Variants in TAF1C observed in about 807,000 individuals in gnomAD.
TAF1C encodes the protein TATA box-binding protein-associated factor RNA polymerase I subunit C.
A neutral mutation model predicts 70.5 loss-of-function variants in TAF1C; 79 were observed. The ratio of observed to expected loss-of-function variants is 1.12; its 90% CI spans 0.93 to 1.35. The LOEUF (loss-of-function observed/expected upper bound fraction) is 1.35, where lower values mean the gene tolerates loss of function less well. Ranked by LOEUF, TAF1C falls within the 40% of genes most tolerant of loss-of-function variation. The pLI, the probability that TAF1C is intolerant of heterozygous loss-of-function variation, is 0.00. For synonymous variants in TAF1C, 614 were observed against 491.1 expected (o/e 1.25, Z -3.31); for missense variants, 1,412 against 1,127.8 (o/e 1.25, Z -3.61).
At position 84,182,154 on chromosome 16, in the gene TAF1C, T is replaced by C; in HGVS notation, c.721+48A>G. The C allele has an allele frequency of 1.3e-6, 2 of 1,592,222 alleles. No individual in the cohort carries two copies. Among genetic ancestry groups the C allele is most frequent in the Non-Finnish European group, 1.7e-6 (2 of 1,167,548 alleles). On this transcript the variant is annotated intron_variant, in intron 7 of 14. Transcript: ENST00000566732. This position sits in a 1 kb window ranked among gnomAD's most constrained non-coding sequence, Gnocchi z 5.0. ...TGGACCATGCCAAGAGCACCTCCTC[T>C]ACCAGAGGCGAGCCCGCTGGAATCT... is the stretch of plus-strand genomic sequence containing the variant.
chr16:84,183,261 T>C lies in TAF1C; in HGVS notation c.391A>G (p.Lys131Glu). Reference protein sequence around the residue: ...PLGKLMLENFKLEGAGSRTKK... With the variant: ...PLGKLMLENFELEGAGSRTKK... ...CCACTCACCCCCGCTCCCTCCAGCTTGAAATTCTCCAGCATCAGCTTCCCC... is the reference window on the plus strand; with the variant it reads ...CCACTCACCCCCGCTCCCTCCAGCTCGAAATTCTCCAGCATCAGCTTCCCC... The change falls in exon 5 of 15, where the codon AAG (lysine) becomes GAG (glutamate). Residue 131 changes from lysine (K) to glutamate (E), a missense_variant. Coordinates refer to ENST00000566732, the MANE Select transcript of TAF1C (RefSeq NM_001243156.2). The C allele has an allele frequency of 6.2e-7, 1 of 1,613,944 alleles. No homozygotes were observed. Among genetic ancestry groups the C allele is most frequent in the South Asian group, 1.1e-5 (1 of 91,076 alleles).
intron 1 of TAF1C, 73 bp from the exon 2 acceptor site, chr16:84,185,133 G>A: frequency 2.0e-6 from 2 of 999,538 alleles, no homozygotes; most frequent in African/African-American, 1.6e-5. Flanking sequence ...CAAATATGTA[G>A]CCCAAGGCCA....
chr16:84,180,771 G>T, intron 12 of TAF1C: 1 of 1,324,244 alleles, frequency 7.6e-7, no homozygotes, highest in Non-Finnish European at 9.7e-7. Context: ...AGCTCTGCAC[G>T]GAAGCCCCAC....
At position 84,182,459 on chromosome 16, in the gene TAF1C, C is replaced by T. The variant is rs1244956743; in HGVS notation, c.483-19G>A. 12 of 1,588,726 alleles carry T rather than the reference C, an allele frequency of 7.6e-6. No individual in the cohort carries two copies. The East Asian group carries it at 1.6e-4, about 21-fold the overall frequency. ...GGGACACCTGGGGACCAGAGAACAG[C>T]AGGAGGATCACTCGGTGGCACTCAG... On this transcript the variant is annotated intron_variant, in intron 6 of 14. Coordinates refer to ENST00000566732, the MANE Select transcript of TAF1C (RefSeq NM_001243156.2). This position sits in a 1 kb window ranked among gnomAD's most constrained non-coding sequence, Gnocchi z 5.0.
rs1446336398 is a variant in TAF1C at position 84,184,833 on chromosome 16, C to T, written c.138+18G>A. On this transcript the variant is annotated intron_variant, in intron 2 of 14. Transcript: ENST00000566732. ...GGATGTCCCTGGAGCTGCCAGGGCC[C>T]CCTGCCTGCATCCTCACCTCTGAGT... 5.7e-6 allele frequency: 9 copies of T among 1,587,596 alleles called. No homozygotes were observed. Among genetic ancestry groups the T allele is most frequent in the African/African-American group, 4.0e-5 (3 of 74,336 alleles).
chr16:84,180,448 G>A, intron 12 of TAF1C, 104 bp from the exon 13 acceptor site: 1 of 1,208,422 alleles, frequency 8.3e-7, no homozygotes, highest in Non-Finnish European at 1.1e-6. Context: ...AGAGCCCTGA[G>A]GGGCAGCAGC....
rs778877902 is a variant in TAF1C at position 84,181,373 on chromosome 16, C to T, written c.1119G>A (p.Val373=). The T allele has an allele frequency of 6.2e-7, 1 of 1,612,786 alleles. No homozygotes were observed. Among genetic ancestry groups the T allele is most frequent in the Non-Finnish European group, 8.5e-7 (1 of 1,179,644 alleles). The change falls in exon 11 of 15, where the codon GTG becomes GTA. Residue 373 remains valine, a synonymous_variant. Transcript: ENST00000566732. Reference sequence around the variant, plus strand: ...CTCCGGTGCGGTCACCCACGGTCAGCACCCGAGGGTGCGCAGTGAAGTCTG... The same window carrying T: ...CTCCGGTGCGGTCACCCACGGTCAGTACCCGAGGGTGCGCAGTGAAGTCTG... ...RWADFTAHPR[V]LTVGDRTGVK...
chr16:84,180,164 C>G lies in TAF1C; in HGVS notation c.1483+6G>C. Reference sequence around the variant, plus strand: ...ACACGCCGCCCACCCTGGCCTGGACCCTCACCTGCCAGGTGCAGCAGCTGC... The same window carrying G: ...ACACGCCGCCCACCCTGGCCTGGACGCTCACCTGCCAGGTGCAGCAGCTGC... On this transcript the variant is annotated splice_donor_region_variant and intron_variant, in intron 13 of 14. Coordinates refer to ENST00000566732, the MANE Select transcript of TAF1C (RefSeq NM_001243156.2). 6.4e-7 allele frequency: 1 copy of G among 1,556,852 alleles called. No homozygotes were observed. The highest frequency in any genetic ancestry group is 8.6e-7 in the Non-Finnish European group (1 of 1,159,048).
intron 12 of TAF1C, chr16:84,180,793 T>C: frequency 8.1e-7 from 1 of 1,232,478 alleles, no homozygotes; most frequent in Non-Finnish European, 1.0e-6. Context: ...CCGAGGCCCC[T>C]CCTCCCCTGC....
Position 84,180,048 on chromosome 16 carries a change from G to A in TAF1C, c.1519C>T (p.Pro507Ser), listed in dbSNP as rs903666574. ...TCGATCCTGGAAGGAAGAGACTGGGGGGGGCCTGCCAGGCGGGGCACCGAC... is the reference window on the plus strand; with the variant it reads ...TCGATCCTGGAAGGAAGAGACTGGGAGGGGCCTGCCAGGCGGGGCACCGAC... ...GASVPRLAGP[P>S]QSLPSRIDSL... The change falls in exon 14 of 15, where the codon CCC (proline) becomes TCC (serine). Residue 507 changes from proline (P) to serine (S), a missense_variant. Transcript: ENST00000566732. The A allele has an allele frequency of 6.2e-7, 1 of 1,607,168 alleles. No homozygotes were observed. Among genetic ancestry groups the A allele is most frequent in the East Asian group, 2.2e-5 (1 of 44,888 alleles).
rs528580726 is a variant in TAF1C, at chr16:84,180,518, G to C, written c.1309-174C>G. ...CACCTGCCAGCCCTGAACAGGTGCC[G>C]CTTCCTTCACCAATTCTGACCGACA... On this transcript the variant is annotated intron_variant, in intron 12 of 14. Transcript: ENST00000566732. 3.0e-4 allele frequency: 207 copies of C among 687,096 alleles called. 2 individuals are homozygous for C. In the Middle Eastern group the frequency reaches 3.8e-3, roughly 13 times the overall value. The allele number at this position is 687,096 out of a possible 1,614,324, so 42.6% of individuals were successfully genotyped here. A position where few individuals can be genotyped will look rare whatever the true frequency, so the allele number is the denominator to read the frequency against.
intron 2 of TAF1C, among the ~76,000 whole-genome samples, chr16:84,184,355 G>A (rs2089369314): frequency 6.6e-6 from 1 of 152,168 alleles, no homozygotes; most frequent in African/African-American, 2.4e-5. Context: ...GCCTCTGCCA[G>A]GCTTCATTCC....
At position 84,180,349 on chromosome 16, in the gene TAF1C, G is replaced by T. The variant is rs1415986633; in HGVS notation, c.1309-5C>A. 1.3e-6 allele frequency: 2 copies of T among 1,537,602 alleles called. No homozygotes were observed. Among genetic ancestry groups the T allele is most frequent in the East Asian group, 4.9e-5 (2 of 40,844 alleles). ...GTCCACTAGGTAGAGAGAGAACTGG[G>T]GCCCGAGAAGGAAGGGGGATGTGGC... On this transcript the variant is annotated splice_region_variant and splice_polypyrimidine_tract_variant and intron_variant, in intron 12 of 14. Coordinates refer to ENST00000566732, the MANE Select transcript of TAF1C (RefSeq NM_001243156.2).
rs1198852478 is a variant in TAF1C, at chr16:84,185,076, T to C, written c.-72-16A>G. 3 of 1,474,716 alleles carry C rather than the reference T, an allele frequency of 2.0e-6. No homozygotes were observed. The highest frequency in any genetic ancestry group is 2.7e-6 in the Non-Finnish European group (3 of 1,095,598). 91.4% of individuals were successfully genotyped at this position (1,474,716 alleles called of 1,614,324 possible). Reference sequence around the variant, plus strand: ...GCCAGAGTTCCTGAGGAGTGAAAAGTGCACTACGGGAAGCATATGTTCTTT... The same window carrying C: ...GCCAGAGTTCCTGAGGAGTGAAAAGCGCACTACGGGAAGCATATGTTCTTT... On this transcript the variant is annotated splice_polypyrimidine_tract_variant and intron_variant, in intron 1 of 14. Coordinates refer to ENST00000566732, the MANE Select transcript of TAF1C (RefSeq NM_001243156.2).
Position 84,179,467 on chromosome 16 carries a change from C to A in TAF1C, c.2006G>T (p.Arg669Ile). The A allele has an allele frequency of 6.3e-7, 1 of 1,597,872 alleles. No individual in the cohort carries two copies. The highest frequency in any genetic ancestry group is 8.5e-7 in the Non-Finnish European group (1 of 1,176,348). ...TGCCGCAGGGAGGGAGCCCAGGTCTCTCTGCAGCAGGAGCTGCCCTCGGGC... is the reference window on the plus strand; with the variant it reads ...TGCCGCAGGGAGGGAGCCCAGGTCTATCTGCAGCAGGAGCTGCCCTCGGGC... ...AMARGQLLLQRDLGSLPAAEP... is the reference protein window; with the variant it reads ...AMARGQLLLQIDLGSLPAAEP... The change falls in exon 15 of 15, where the codon AGA becomes ATA. Residue 669 changes from arginine (R) to isoleucine (I), a missense_variant. Transcript: ENST00000566732.
rs1000619504 is a variant in TAF1C at position 84,180,228 on chromosome 16, G to A, written c.1425C>T (p.Cys475=). ...GGCCTCCGAGGAGCAGGGGCTGCAC[G>A]CAGCTGGGCCGGGGCGGAGGCAGCA... ...ARLLPPPRPS[C]VQPLLLGGQG... The change falls in exon 13 of 15, where the codon TGC becomes TGT. Residue 475 remains cysteine, a synonymous_variant. Coordinates refer to ENST00000566732, the MANE Select transcript of TAF1C (RefSeq NM_001243156.2). 14 of 1,539,128 alleles carry A rather than the reference G, an allele frequency of 9.1e-6. No homozygotes were observed. Among genetic ancestry groups the A allele is most frequent in the Middle Eastern group, 3.4e-4 (2 of 5,850 alleles).
At chr16:84,185,248 G>C (rs563510265) in intron 1 of TAF1C, 188 bp from the exon 2 acceptor site, 3 of 372,814 alleles carry the variant, frequency 8.0e-6, no homozygotes, top group East Asian at 5.1e-5. Flanking sequence ...GAAAAGCCTC[G>C]TTGAGAAGGT....
chr16:84,185,063 G>A lies in TAF1C; in HGVS notation c.-72-3C>T. 8.4e-6 allele frequency: 13 copies of A among 1,542,630 alleles called. No homozygotes were observed. The highest frequency in any genetic ancestry group is 1.1e-5 in the Non-Finnish European group (13 of 1,142,898). On this transcript the variant is annotated splice_polypyrimidine_tract_variant and splice_region_variant and intron_variant, in intron 1 of 14. Coordinates refer to ENST00000566732, the MANE Select transcript of TAF1C (RefSeq NM_001243156.2). The stretch of plus-strand genomic sequence containing the variant: ...GCTGGTAAGGGGCGCCAGAGTTCCT[G>A]AGGAGTGAAAAGTGCACTACGGGAA...
At chr16:84,180,827 G>C in intron 12 of TAF1C, 2 of 1,375,654 alleles carry the variant, frequency 1.5e-6, no homozygotes, top group Non-Finnish European at 1.9e-6. Context: ...GCACCTCGAA[G>C]CTCTACTAAG....
Sources: allele counts gnomAD v4.1 joint callset (sites outside exome capture counted in the v4.1 genomes callset), GRCh38; gene constraint gnomAD v4.1.1; non-coding constraint Gnocchi (gnomAD v3.1); transcripts MANE v1.5; gene names NCBI Gene and HGNC (gene_info 2026-07-23, HGNC 2026-07-21).